Variants in TRRAP observed in about 807,000 individuals in gnomAD.
TRRAP encodes transformation/transcription domain-associated protein.
TRRAP carries 41 observed loss-of-function variants against 438.8 expected under a neutral mutation model. That is an observed-to-expected ratio of 0.09 (90% CI 0.07 to 0.12). The LOEUF (loss-of-function observed/expected upper bound fraction) is 0.12. Among genes scored for constraint, TRRAP ranks in the 10% least tolerant of loss-of-function variants. TRRAP has a pLI of 1.00. For synonymous variants in TRRAP, 1,994 were observed against 1,962.9 expected, an observed-to-expected ratio of 1.02 and a Z score of -0.42; for missense variants, 3,122 against 5,055.1, an observed-to-expected ratio of 0.62 and a Z score of 11.60.
At chr7:98,924,444 G>C (rs1199897337) in intron 21 of TRRAP, among the ~76,000 whole-genome samples, 1 of 152,124 alleles carries the variant, frequency 6.6e-6, no homozygotes, top group Non-Finnish European at 1.5e-5. Context: ...TGGTTAAGGC[G>C]CCTGTCTAGA....
intron 40 of TRRAP, among the ~76,000 whole-genome samples, chr7:98,953,715 T>A (rs1791455137): frequency 6.6e-6 from 1 of 152,112 alleles, no homozygotes; most frequent in African/African-American, 2.4e-5. Context: ...ATTCCGGAGA[T>A]GATGGGGCTC....
chr7:98,971,512 T>A (rs577517629), intron 52 of TRRAP, among the ~76,000 whole-genome samples: 4 of 152,378 alleles, frequency 2.6e-5, no homozygotes, highest in Admixed American at 1.3e-4. Context: ...TCTTTATTAT[T>A]TTTACGTTTA....
chr7:98,901,107 GCAGCCTT>G (rs1796447500), intron 11 of TRRAP, among the ~76,000 whole-genome samples: 1 of 152,160 alleles, frequency 6.6e-6, no homozygotes, highest in Non-Finnish European at 1.5e-5. Flanking sequence ...TCTTTGCTTG[GCAGCCTT>G]AACAAAAAAT....
chr7:98,910,472 T>G, intron 15 of TRRAP, 38 bp from the exon 16 acceptor site: 1 of 1,613,630 alleles, frequency 6.2e-7, no homozygotes, highest in South Asian at 1.1e-5. Context: ...TAAAGTGAGT[T>G]TTATTCAAGT....
intron 49 of TRRAP, among the ~76,000 whole-genome samples, chr7:98,966,373 C>T (rs1792159188): frequency 6.6e-6 from 1 of 151,854 alleles, no homozygotes. Context: ...AACTGAGTTG[C>T]TCATCTTAAT....
At chr7:98,998,235 C>T (rs1287709567) in intron 67 of TRRAP, among the ~76,000 whole-genome samples, 1 of 152,154 alleles carries the variant, frequency 6.6e-6, no homozygotes, top group African/African-American at 2.4e-5. Flanking sequence ...TTACCTAAAG[C>T]TTGGGGAAGA....
chr7:99,008,695 T>G (rs1483468763), intron 70 of TRRAP, 134 bp downstream of exon 70: 4 of 955,916 alleles, frequency 4.2e-6, no homozygotes, highest in Non-Finnish European at 6.1e-6. Flanking sequence ...AAAGTAACTT[T>G]ATTAGACTCA....
Position 99,011,671 on chromosome 7 carries a change from T to C in TRRAP, c.11337+136T>C, listed in dbSNP as rs1794433460. 1 of 1,029,164 alleles carries C rather than the reference T, an allele frequency of 9.7e-7. No homozygotes were observed. The highest frequency in any genetic ancestry group is 1.4e-6 in the Non-Finnish European group (1 of 723,476). 63.8% of individuals were successfully genotyped at this position (1,029,164 alleles called of 1,614,324 possible). On this transcript the variant is annotated intron_variant, in intron 72 of 72. Transcript: ENST00000456197. The surrounding 1 kb of genome is among the most constrained non-coding windows in gnomAD (Gnocchi z 7.1). Reference sequence around the variant, plus strand: ...CAGTGGCCAGCACCCCTGTGTGTTATGTCCTTTGCTGTGAGGGCAAGGGAT... The same window carrying C: ...CAGTGGCCAGCACCCCTGTGTGTTACGTCCTTTGCTGTGAGGGCAAGGGAT...
chr7:98,966,002 T>C, intron 49 of TRRAP, 107 bp downstream of exon 49: 1 of 1,266,766 alleles, frequency 7.9e-7, no homozygotes. Context: ...TTTTCTGCTG[T>C]AATTGCACTC....
In TRRAP at chr7:98,937,174, A is replaced by G. The variant is rs782326376; in HGVS notation, c.4130A>G (p.Asn1377Ser). 18 of 1,610,854 alleles carry G rather than the reference A, an allele frequency of 1.1e-5. No individual in the cohort carries two copies. Among genetic ancestry groups the G allele is most frequent in the Middle Eastern group, 1.6e-4 (1 of 6,074 alleles). Residue 1377 changes from asparagine to serine, a missense_variant, in exon 29 of 73, where the codon AAT becomes AGT. By Grantham distance (46) the Asn-to-Ser change is conservative. Coordinates refer to ENST00000456197, the MANE Select transcript of TRRAP (RefSeq NM_001375524.1). ...IAALNALAAC[N>S]YLPQSREKII... is the part of the protein sequence containing the mutation. Reference sequence around the variant, plus strand: ...CCTGAAGATGCACTTGCTGCCTGCAATTACCTTCCTCAGTCCAGGGAGAAA... The same window carrying G: ...CCTGAAGATGCACTTGCTGCCTGCAGTTACCTTCCTCAGTCCAGGGAGAAA...
At chr7:98,984,541 T>G (rs975717319) in intron 61 of TRRAP, among the ~76,000 whole-genome samples, 183 bp downstream of exon 61, 4 of 152,222 alleles carry the variant, frequency 2.6e-5, no homozygotes, top group Non-Finnish European at 5.9e-5. Context: ...GCTACTTGAC[T>G]GTGAATTACA....
At position 99,011,557 on chromosome 7, in the gene TRRAP, T is replaced by TCACAGGCG; in HGVS notation, c.11337+25_11337+32dup. On this transcript the variant is annotated intron_variant, in intron 72 of 72. Transcript: ENST00000456197. The surrounding 1 kb of genome is among the most constrained non-coding windows in gnomAD (Gnocchi z 7.1). ...TAAGGTGGGTCTCCACGTCGTCCTA[T>TCACAGGCG]CACAGGCGCAGGCTAGAGCCACTCA... is the stretch of plus-strand genomic sequence containing the variant. 7.5e-6 allele frequency: 12 copies of TCACAGGCG among 1,607,706 alleles called. No homozygotes were observed. The highest frequency in any genetic ancestry group is 1.0e-5 in the Non-Finnish European group (12 of 1,177,010).
In TRRAP at chr7:98,910,085, T is replaced by C. The variant is rs782082096; in HGVS notation, c.1380T>C (p.Ala460=). Residue 460 remains alanine (A), a synonymous_variant, in exon 15 of 73, where the codon GCT becomes GCC. Transcript: ENST00000456197. The part of the protein sequence containing the change: ...EVFVLKFHTI[A]RYQLSAIFKK... ...TCGTTCTCAAATTCCACACAATTGC[T>C]CGGTACCAGCTCTCTGCCATTTTTA... is the stretch of plus-strand genomic sequence containing the variant. 2 of 1,558,684 alleles carry C rather than the reference T, an allele frequency of 1.3e-6. No individual in the cohort carries two copies. Among genetic ancestry groups the C allele is most frequent in the Non-Finnish European group, 1.7e-6 (2 of 1,154,028 alleles).
rs782605085 is a variant in TRRAP, at chr7:98,908,745, C to T, written c.1133C>T (p.Thr378Met). The change falls in exon 14 of 73, where the codon ACG (threonine) becomes ATG (methionine). Residue 378 changes from threonine to methionine, a missense_variant. This residue lies in a region of TRRAP where 343 missense variants were observed against 564.0 expected (regional missense o/e 0.61). Coordinates refer to ENST00000456197, the MANE Select transcript of TRRAP (RefSeq NM_001375524.1). The surrounding 1 kb of genome is among the most constrained non-coding windows in gnomAD (Gnocchi z 4.1). ...RETLRPLAYS[T>M]LADLVHHVRQ... ...GCCCGCAGGCCCCTCGCCTACAGCA[C>T]GCTGGCCGACCTCGTGCACCATGTC... 8 of 1,554,284 alleles carry T rather than the reference C, an allele frequency of 5.1e-6. No individual in the cohort carries two copies. Among genetic ancestry groups the T allele is most frequent in the African/African-American group, 1.4e-5 (1 of 73,286 alleles).
At chr7:98,954,967 A>C (rs555067114) in intron 40 of TRRAP, 131 bp from the exon 41 acceptor site, 2 of 872,848 alleles carry the variant, frequency 2.3e-6, no homozygotes, top group Non-Finnish European at 3.4e-6. Flanking sequence ...GTTGTTTCCT[A>C]ATAAGAAAGT....
At chr7:98,989,285 C>T (rs77267608) in intron 63 of TRRAP, among the ~76,000 whole-genome samples, 1 of 152,210 alleles carries the variant, frequency 6.6e-6, no homozygotes, top group Non-Finnish European at 1.5e-5. Context: ...CCCTCCTAGA[C>T]GCCCGTTAGG....
In TRRAP at chr7:98,931,487, A is replaced by G. The variant is rs1554412878; in HGVS notation, c.3674A>G (p.Glu1225Gly). 6 of 1,614,114 alleles carry G rather than the reference A, an allele frequency of 3.7e-6. No homozygotes were observed. The Admixed American group carries it at 8.3e-5, about 22-fold the overall frequency. Residue 1225 changes from glutamate to glycine, a missense_variant, in exon 26 of 73, where the codon GAG (glutamate) becomes GGG (glycine). Glu to Gly is a moderately conservative substitution (Grantham distance 98). Around this residue, in one of 24 missense-constraint regions of TRRAP, gnomAD observed 153 missense variants for 223.0 expected, o/e 0.69. Transcript: ENST00000456197. Reference sequence around the variant, plus strand: ...TGCGCAACGCCTTTAAAAGACGAGGAGAGAGCCGAAGAGATCGTGGCCGCC... The same window carrying G: ...TGCGCAACGCCTTTAAAAGACGAGGGGAGAGCCGAAGAGATCGTGGCCGCC... ...MRCATPLKDEERAEEIVAAQE... is the reference protein window; with the variant it reads ...MRCATPLKDEGRAEEIVAAQE...
At chr7:98,914,718 CAAAAAAAAAAAAAAAAAA>C (rs71118646) in intron 18 of TRRAP, among the ~76,000 whole-genome samples, 2 of 41,292 alleles carry the variant, frequency 4.8e-5, no homozygotes, top group East Asian at 1.4e-3. Context: ...GACCCTGTCT[CAAAAAAAAAAAAAAAAAA>C]AAAAAAAAAA....
chr7:98,921,080 G>A (rs1351179395), intron 20 of TRRAP, among the ~76,000 whole-genome samples: 3 of 152,084 alleles, frequency 2.0e-5, no homozygotes, highest in East Asian at 1.9e-4. Context: ...CAGGTGATCC[G>A]CCCACCTCAG....
Sources: allele counts gnomAD v4.1 joint callset (sites outside exome capture counted in the v4.1 genomes callset), GRCh38; gene constraint gnomAD v4.1.1; regional missense constraint gnomAD v4.1.1; non-coding constraint Gnocchi (gnomAD v3.1); transcripts MANE v1.5; gene names NCBI Gene and HGNC (gene_info 2026-07-23, HGNC 2026-07-21).